The following SULF2 variants were observed in gnomAD, a reference collection of about 807,000 sequenced individuals.
SULF2 encodes the protein extracellular sulfatase Sulf-2.
Under a neutral mutation model 107.7 loss-of-function variants are expected in SULF2, and 52 were observed. The ratio of observed to expected loss-of-function variants is 0.48; its 90% CI spans 0.39 to 0.61. The LOEUF is 0.61. Ranked by LOEUF, SULF2 falls within the 20% of genes least tolerant of loss-of-function variation. The pLI, the probability that SULF2 is intolerant of heterozygous loss-of-function variation, is 0.00. For missense variants in SULF2, 993 were observed against 1,177.3 expected, an observed-to-expected ratio of 0.84 and a Z score of 2.29; for synonymous variants, 460 against 464.3, an observed-to-expected ratio of 0.99 and a Z score of 0.12.
At chr20:47,766,948 A>AG (rs896000247) in intron 1 of SULF2, among the ~76,000 whole-genome samples, 1 of 122,904 alleles carries the variant, frequency 8.1e-6, no homozygotes, top group African/African-American at 2.7e-5. Flanking sequence ...CATGATCAGT[A>AG]GAAAAAAAAA....
chr20:47,762,257 G>A (rs554799251), intron 1 of SULF2, among the ~76,000 whole-genome samples: 20 of 152,328 alleles, frequency 1.3e-4, no homozygotes, highest in African/African-American at 4.3e-4. Flanking sequence ...GCACATTCAC[G>A]TTCCTTCAGA....
At chr20:47,667,577 C>T (rs1039278497) in intron 11 of SULF2, among the ~76,000 whole-genome samples, 1 of 152,110 alleles carries the variant, frequency 6.6e-6, no homozygotes, top group Non-Finnish European at 1.5e-5. Context: ...CGGGGATGGG[C>T]GGCCCCTTTG....
chr20:47,713,410 GCA>G (rs904937174), intron 3 of SULF2, among the ~76,000 whole-genome samples: 19 of 152,250 alleles, frequency 1.2e-4, no homozygotes, highest in Admixed American at 3.9e-4. Context: ...TGTGTAAAGT[GCA>G]CAGTTTAAAA....
In SULF2 at chr20:47,719,148, G is replaced by A. The variant is rs138523329; in HGVS notation, c.416-16478C>T. ...TTCTTAAAATATCATTTGAGCCAGC[G>A]CTACTTCGAAATCATGGAAGTTATC... On this transcript the variant is annotated intron_variant, in intron 3 of 20. Coordinates refer to ENST00000688720, the MANE Select transcript of SULF2 (RefSeq NM_001387048.1). Among the ~76,000 whole-genome samples the A allele has an allele frequency of 4.4e-3, 674 of 152,272 alleles. 5 individuals carry two copies. The highest frequency in any genetic ancestry group is 0.017 in the Middle Eastern group (5 of 294).
At chr20:47,765,503 GA>G (rs111693237) in intron 1 of SULF2, among the ~76,000 whole-genome samples, 1,608 of 152,222 alleles carry the variant, frequency 0.011, 36 homozygotes, top group African/African-American at 0.037. Flanking sequence ...GGGAAGAAAG[GA>G]AATTGTGGGT....
At chr20:47,727,984 G>C (rs954793893) in intron 3 of SULF2, among the ~76,000 whole-genome samples, 1 of 152,190 alleles carries the variant, frequency 6.6e-6, no homozygotes, top group African/African-American at 2.4e-5. Flanking sequence ...GGACACGCTG[G>C]GTCAGCCTGG....
chr20:47,766,025 G>A (rs936391284), intron 1 of SULF2, among the ~76,000 whole-genome samples: 5 of 152,236 alleles, frequency 3.3e-5, no homozygotes, highest in Admixed American at 6.5e-5. Flanking sequence ...GTGAAGAGGA[G>A]GGTGGAGGAC....
chr20:47,757,601 C>T (rs747600512), intron 1 of SULF2, 138 bp from the exon 2 acceptor site: 56 of 474,244 alleles, frequency 1.2e-4, no homozygotes, highest in South Asian at 1.9e-4. Context: ...GAGTGAAAAC[C>T]GAACTCCGCT....
In SULF2 at chr20:47,694,312, A is replaced by AC. The variant is rs1287784843; in HGVS notation, c.568-4018dup. On this transcript the variant is annotated intron_variant, in intron 4 of 20. Coordinates refer to ENST00000688720, the MANE Select transcript of SULF2 (RefSeq NM_001387048.1). This position sits in a 1 kb window ranked among gnomAD's most constrained non-coding sequence, Gnocchi z 4.4. ...ATGTGGGGTGCGGGAGGGGCGGGTGACCCCCACCCCTGTTGGTCTCTGGTT... is the reference window on the plus strand; with the variant it reads ...ATGTGGGGTGCGGGAGGGGCGGGTGACCCCCCACCCCTGTTGGTCTCTGGTT... Among the ~76,000 whole-genome samples, 1 of 151,562 alleles carries AC rather than the reference A, an allele frequency of 6.6e-6. No homozygotes were observed. Among genetic ancestry groups the AC allele is most frequent in the East Asian group, 1.9e-4 (1 of 5,160 alleles).
chr20:47,686,776 T>C (rs1257199284), intron 5 of SULF2, among the ~76,000 whole-genome samples: 1 of 152,070 alleles, frequency 6.6e-6, no homozygotes, highest in Non-Finnish European at 1.5e-5. Flanking sequence ...TGAGTCACTG[T>C]CTCCAAGGCT....
intron 11 of SULF2, among the ~76,000 whole-genome samples, chr20:47,667,513 C>T (rs1432469950): frequency 6.6e-6 from 1 of 151,990 alleles, no homozygotes; most frequent in East Asian, 1.9e-4. Context: ...TTCCAGCTTC[C>T]AGAAAGGAAA....
At position 47,666,152 on chromosome 20, in the gene SULF2, C is replaced by G. The variant is rs760835476; in HGVS notation, c.1805+108G>C. ...GGAAGGCCTCCAGTGCCACTGAAGT[C>G]CCCACCATCCTTGTCATCTTGGTCC... On this transcript the variant is annotated intron_variant, in intron 12 of 20. Transcript: ENST00000688720. The surrounding 1 kb of genome is among the most constrained non-coding windows in gnomAD (Gnocchi z 5.4). The G allele has an allele frequency of 5.0e-6, 8 of 1,611,318 alleles. No individual in the cohort carries two copies. The highest frequency in any genetic ancestry group is 8.5e-7 in the Non-Finnish European group (1 of 1,179,416).
Position 47,769,953 on chromosome 20 carries a change from G to A in SULF2, c.-100-12490C>T, listed in dbSNP as rs1283421980. Among the ~76,000 whole-genome samples the A allele has an allele frequency of 2.0e-5, 3 of 151,758 alleles. No homozygotes were observed. In the East Asian group the frequency reaches 5.8e-4, roughly 29 times the overall value. ...AAGCGCAACTGTCCTGAGGTAGGAA[G>A]ATGCCTGAGGGAGGGCCGGAAAGGG... is the stretch of plus-strand genomic sequence containing the variant. On this transcript the variant is annotated intron_variant, in intron 1 of 20. Coordinates refer to ENST00000688720, the MANE Select transcript of SULF2 (RefSeq NM_001387048.1).
chr20:47,757,170 C>T lies in SULF2; in HGVS notation c.175+19G>A. The T allele has an allele frequency of 1.3e-6, 2 of 1,540,514 alleles. No homozygotes were observed. Among genetic ancestry groups the T allele is most frequent in the Non-Finnish European group, 1.8e-6 (2 of 1,138,640 alleles). On this transcript the variant is annotated intron_variant, in intron 2 of 20. Transcript: ENST00000688720. ...TGCTCCGAGGGGCCGAGGTGCCACC[C>T]TGGGGCCCCGAGGCTTACCCAGCTC... is the stretch of plus-strand genomic sequence containing the variant.
chr20:47,763,576 C>A (rs960865675), intron 1 of SULF2, among the ~76,000 whole-genome samples: 1 of 152,146 alleles, frequency 6.6e-6, no homozygotes, highest in African/African-American at 2.4e-5. Flanking sequence ...CCATGAAAGG[C>A]GGGAAGAAAG....
Position 47,683,590 on chromosome 20 carries a change from C to T in SULF2, c.889-421G>A, listed in dbSNP as rs114123754. ...GGCAGGATCTTGCGATCTGGAAGGG[C>T]GCCGTGTGGCAGAACTTTCTGCATT... On this transcript the variant is annotated intron_variant, in intron 6 of 20. Transcript: ENST00000688720. 5.5e-3 allele frequency among the ~76,000 whole-genome samples: 840 copies of T among 152,338 alleles called. 8 individuals carry two copies. Among genetic ancestry groups the T allele is most frequent in the African/African-American group, 0.018 (730 of 41,572 alleles).
intron 2 of SULF2, among the ~76,000 whole-genome samples, chr20:47,750,676 G>A (rs748905862): frequency 2.0e-5 from 3 of 152,178 alleles, no homozygotes; most frequent in Non-Finnish European, 4.4e-5. Flanking sequence ...ATCTCACTCA[G>A]AAAGCCAAAA....
chr20:47,676,240 G>A (rs528421291), intron 10 of SULF2, among the ~76,000 whole-genome samples: 63 of 152,310 alleles, frequency 4.1e-4, no homozygotes, highest in Admixed American at 9.8e-4. Context: ...CTAGAGAGGC[G>A]CTAAGGGCAT....
chr20:47,783,905 G>C (rs1352033911), intron 1 of SULF2, among the ~76,000 whole-genome samples: 1 of 152,180 alleles, frequency 6.6e-6, no homozygotes, highest in Admixed American at 6.5e-5. Context: ...AAGCTGGGGA[G>C]AACATCTCTT....
Sources: allele counts gnomAD v4.1 joint callset (sites outside exome capture counted in the v4.1 genomes callset), GRCh38; gene constraint gnomAD v4.1.1; non-coding constraint Gnocchi (gnomAD v3.1); transcripts MANE v1.5; gene names NCBI Gene and HGNC (gene_info 2026-07-23, HGNC 2026-07-21).